Variants in MYO16 observed in about 807,000 individuals in gnomAD.
MYO16 encodes the protein myosin XVI, also known as unconventional myosin-XVI.
A neutral mutation model predicts 205.3 loss-of-function variants in MYO16; 94 were observed. The ratio of observed to expected loss-of-function variants is 0.46; its 90% confidence interval spans 0.39 to 0.54. MYO16 has a LOEUF of 0.54. Ranked by LOEUF, MYO16 falls within the 20% of genes least tolerant of loss-of-function variation. The pLI is 0.00. For missense variants in MYO16, 2,315 were observed against 2,387.5 expected, an observed-to-expected ratio of 0.97 and a Z score of 0.63; for synonymous variants, 988 against 954.0, an observed-to-expected ratio of 1.04 and a Z score of -0.66.
At chr13:109,119,581 G>T (rs1001889796) in intron 28 of MYO16, among the ~76,000 whole-genome samples, 2 of 152,134 alleles carry the variant, frequency 1.3e-5, no homozygotes, top group Non-Finnish European at 1.5e-5. Context: ...ACACACAAGA[G>T]AATTACTTAA....
intron 16 of MYO16, among the ~76,000 whole-genome samples, chr13:108,955,843 T>C (rs994156227): frequency 1.3e-5 from 2 of 152,132 alleles, no homozygotes; most frequent in African/African-American, 4.8e-5. Context: ...AGAGGGAGAT[T>C]CTATCTCAAA....
intron 6 of MYO16, among the ~76,000 whole-genome samples, chr13:108,795,492 G>A (rs969964891): frequency 6.6e-6 from 1 of 152,168 alleles, no homozygotes; most frequent in African/African-American, 2.4e-5. Flanking sequence ...ACAGGTGTGA[G>A]TTACCGCGCC....
rs1370031227 is a variant in MYO16, at chr13:108,844,483, A to G, written c.1238A>G (p.Lys413Arg). 1 of 1,610,108 alleles carries G rather than the reference A, an allele frequency of 6.2e-7. No homozygotes were observed. The highest frequency in any genetic ancestry group is 8.5e-7 in the Non-Finnish European group (1 of 1,177,356). ...AACCCCATGATGAGCGGTTCCACCA[A>G]ACCCGAGCAGGTAATCATGCTTTCA... ...PENPMMSGST[K>R]PEQVKLMPPA... The change falls in exon 10 of 35, where the codon AAA (lysine) becomes AGA (arginine). Residue 413 changes from lysine (K) to arginine (R), a missense_variant. Coordinates refer to ENST00000457511, the MANE Select transcript of MYO16 (RefSeq NM_001198950.3).
intron 24 of MYO16, among the ~76,000 whole-genome samples, chr13:109,051,379 C>T (rs770565773): frequency 9.2e-5 from 14 of 152,132 alleles, no homozygotes; most frequent in Non-Finnish European, 1.5e-4. Context: ...TGCCACAAAA[C>T]GTTGCCAACT....
chr13:108,699,796 C>A (rs969959333), intron 2 of MYO16, among the ~76,000 whole-genome samples: 3 of 152,128 alleles, frequency 2.0e-5, no homozygotes, highest in African/African-American at 7.2e-5. Flanking sequence ...TTGGAAATTT[C>A]ATCTTCAGCA....
chr13:108,993,474 A>G (rs1192420976), intron 21 of MYO16, among the ~76,000 whole-genome samples: 2 of 152,174 alleles, frequency 1.3e-5, no homozygotes, highest in African/African-American at 4.8e-5. Context: ...TAACTTAAAA[A>G]TTGGCCAATT....
At chr13:108,520,302 T>C in the MYO16 span, among the ~76,000 whole-genome samples, 2 of 152,176 alleles carry the variant, frequency 1.3e-5, no homozygotes, top group Non-Finnish European at 2.9e-5. Context: ...CACATTGTAA[T>C]AGATGCATAC....
chr13:108,872,430 ATAG>A (rs1169473554), intron 12 of MYO16, among the ~76,000 whole-genome samples: 1 of 152,060 alleles, frequency 6.6e-6, no homozygotes, highest in Non-Finnish European at 1.5e-5. Flanking sequence ...TACTGACACT[ATAG>A]TAGTATTAGG....
intron 1 of MYO16, among the ~76,000 whole-genome samples, chr13:108,649,734 A>G (rs75104642): frequency 0.056 from 8,561 of 152,210 alleles, 564 homozygotes; most frequent in East Asian, 0.18. Flanking sequence ...TGGTGAGAGA[A>G]TAAAGCCAAG....
chr13:109,057,765 C>A (rs61970236), intron 27 of MYO16, among the ~76,000 whole-genome samples: 7,720 of 152,136 alleles, frequency 0.051, 224 homozygotes, highest in Middle Eastern at 0.17. Flanking sequence ...ATAGATTCCC[C>A]AAATTTATCC....
chr13:108,723,869 G>C (rs1312548559), intron 3 of MYO16, among the ~76,000 whole-genome samples: 1 of 151,970 alleles, frequency 6.6e-6, no homozygotes, highest in Non-Finnish European at 1.5e-5. Flanking sequence ...AAACCCTTCT[G>C]GAATTATGAC....
chr13:109,095,625 T>G (rs1888752924), intron 27 of MYO16, among the ~76,000 whole-genome samples: 2 of 152,262 alleles, frequency 1.3e-5, no homozygotes, highest in African/African-American at 4.8e-5. Flanking sequence ...GCATGATTTT[T>G]CATTCTGACT....
At chr13:108,793,291 A>C (rs541505226) in intron 5 of MYO16, among the ~76,000 whole-genome samples, 2 of 134,998 alleles carry the variant, frequency 1.5e-5, no homozygotes, top group East Asian at 5.7e-4. Context: ...GTCTCAAAAA[A>C]AAAAAAAAAA....
At chr13:109,130,217 T>G (rs1287427085) in intron 31 of MYO16, among the ~76,000 whole-genome samples, 2 of 152,216 alleles carry the variant, frequency 1.3e-5, no homozygotes, top group Non-Finnish European at 2.9e-5. Flanking sequence ...AAATTTAGTT[T>G]CTTGGATCCT....
At chr13:108,632,961 G>T (rs1202106439) in intron 1 of MYO16, among the ~76,000 whole-genome samples, 1 of 152,180 alleles carries the variant, frequency 6.6e-6, no homozygotes, top group Non-Finnish European at 1.5e-5. Context: ...TACCTGTGGA[G>T]TTCCCTTCAC....
chr13:108,727,651 A>G, intron 4 of MYO16, 68 bp downstream of exon 4: 1 of 1,508,922 alleles, frequency 6.6e-7, no homozygotes. Context: ...TATTTAACTA[A>G]TGCTATTTTA....
chr13:109,152,237 G>C (rs939657634), intron 32 of MYO16, among the ~76,000 whole-genome samples: 1 of 152,050 alleles, frequency 6.6e-6, no homozygotes, highest in African/African-American at 2.4e-5. Context: ...ATTGCCTTTC[G>C]AGTAACTATT....
intron 3 of MYO16, among the ~76,000 whole-genome samples, chr13:108,718,659 G>A (rs1000139047): frequency 1.8e-4 from 27 of 152,010 alleles, no homozygotes; most frequent in African/African-American, 6.0e-4. Flanking sequence ...GGCAATGGAG[G>A]GGCCACGGAC....
At chr13:108,767,129 GTC>G (rs529012634) in intron 4 of MYO16, among the ~76,000 whole-genome samples, 39 of 152,156 alleles carry the variant, frequency 2.6e-4, no homozygotes, top group African/African-American at 9.4e-4. Context: ...GAGACAGGGA[GTC>G]TCTCTCTGTC....
Sources: allele counts gnomAD v4.1 joint callset (sites outside exome capture counted in the v4.1 genomes callset), GRCh38; gene constraint gnomAD v4.1.1; transcripts MANE v1.5; gene names NCBI Gene and HGNC (gene_info 2026-07-23, HGNC 2026-07-21).